The following MANEA variants were observed in gnomAD, a reference collection of about 807,000 sequenced individuals.
MANEA encodes mannosidase endo-alpha.
In MANEA, 25 loss-of-function variants were observed where a neutral mutation model predicts 36.8. That is an observed-to-expected ratio of 0.68 (90% CI 0.50 to 0.95). The LOEUF (loss-of-function observed/expected upper bound fraction) is 0.95, where lower values mean the gene tolerates loss of function less well. Among genes scored for constraint, MANEA ranks in the 40% least tolerant of loss-of-function variants. The probability of loss-of-function intolerance (pLI) is 0.00; values close to 1 mark genes in which losing one functional copy is unlikely to be tolerated. For missense variants in MANEA, 565 were observed against 558.8 expected, an observed-to-expected ratio of 1.01 and a Z score of -0.11; for synonymous variants, 198 against 188.5, an observed-to-expected ratio of 1.05 and a Z score of -0.41.
At chr6:95,604,056 A>AGGGGTGTGTGTG (rs1318756717) in intron 3 of MANEA, among the ~76,000 whole-genome samples, 1 of 58,534 alleles carries the variant, frequency 1.7e-5, no homozygotes, top group Admixed American at 1.5e-4. Flanking sequence ...GTATATATGT[A>AGGGGTGTGTGTG]TGTAGGTGTG....
intron 1 of MANEA, among the ~76,000 whole-genome samples, chr6:95,582,173 C>CTTTT (rs67978183): frequency 2.9e-4 from 23 of 79,386 alleles, no homozygotes; most frequent in Non-Finnish European, 4.4e-4. Context: ...GTTGTATCAT[C>CTTTT]TTTTTTTTTT....
rs1769284742 is a variant in MANEA, at chr6:95,586,525, T to C, written c.86T>C (p.Leu29Pro). 1 of 1,613,896 alleles carries C rather than the reference T, an allele frequency of 6.2e-7. No homozygotes were observed. Reference protein sequence around the residue: ...IFSLMMGLKMLRPNTATFGAP... With the variant: ...IFSLMMGLKMPRPNTATFGAP... The stretch of plus-strand genomic sequence containing the variant: ...TCTCTGATGATGGGTTTAAAAATGC[T>C]GAGACCAAATACAGCTACTTTTGGA... Residue 29 changes from leucine (L) to proline (P), a missense_variant, in exon 2 of 5, where the codon CTG (leucine) becomes CCG (proline). Transcript: ENST00000358812.
chr6:95,577,762 G>A (rs1436560229), intron 1 of MANEA, 124 bp downstream of exon 1: 2 of 152,374 alleles, frequency 1.3e-5, no homozygotes, highest in African/African-American at 4.8e-5. Flanking sequence ...CTTTCCTCCG[G>A]GCGCCCTTTG....
intron 2 of MANEA, among the ~76,000 whole-genome samples, chr6:95,587,792 GTAA>G (rs1299849453): frequency 1.3e-5 from 2 of 151,926 alleles, no homozygotes; most frequent in African/African-American, 2.4e-5. Flanking sequence ...TATGTTTAAT[GTAA>G]TAATGATATG....
chr6:95,601,564 C>T (rs1368080007), intron 3 of MANEA, among the ~76,000 whole-genome samples: 2 of 152,068 alleles, frequency 1.3e-5, no homozygotes, highest in Non-Finnish European at 2.9e-5. Flanking sequence ...GCAGAACCAT[C>T]ATAAGCCAGT....
intron 1 of MANEA, among the ~76,000 whole-genome samples, chr6:95,584,204 A>T (rs1434301603): frequency 6.6e-6 from 1 of 152,218 alleles, no homozygotes; most frequent in Non-Finnish European, 1.5e-5. Context: ...CTTGAAAAAG[A>T]ACAGAGTAAC....
intron 1 of MANEA, among the ~76,000 whole-genome samples, chr6:95,578,982 T>C (rs751843740): frequency 2.6e-5 from 4 of 152,214 alleles, no homozygotes; most frequent in Admixed American, 6.5e-5. Flanking sequence ...TGCTAGGTGA[T>C]TAACCTTAGA....
At chr6:95,580,724 CA>C (rs67844240) in intron 1 of MANEA, among the ~76,000 whole-genome samples, 11,117 of 59,720 alleles carry the variant, frequency 0.19, 257 homozygotes, top group Non-Finnish European at 0.24. Context: ...GACGCCGTCT[CA>C]AAAAAAAAAA....
At chr6:95,580,724 C>CAA (rs67844240) in intron 1 of MANEA, among the ~76,000 whole-genome samples, 91 of 59,768 alleles carry the variant, frequency 1.5e-3, no homozygotes, top group Non-Finnish European at 2.3e-3. Flanking sequence ...GACGCCGTCT[C>CAA]AAAAAAAAAA....
intron 3 of MANEA, among the ~76,000 whole-genome samples, chr6:95,597,096 T>C (rs950644616): frequency 4.6e-5 from 7 of 151,996 alleles, no homozygotes; most frequent in African/African-American, 1.7e-4. Flanking sequence ...GGTTCTTTTG[T>C]GAAGATAATA....
intron 2 of MANEA, among the ~76,000 whole-genome samples, chr6:95,593,970 G>A (rs760739692): frequency 6.6e-6 from 1 of 152,018 alleles, no homozygotes; most frequent in Non-Finnish European, 1.5e-5. Flanking sequence ...AATGAGGCAG[G>A]AGAATCACTT....
rs1429174316 is a variant in MANEA at position 95,586,992 on chromosome 6, T to G, written c.544+9T>G. The stretch of plus-strand genomic sequence containing the variant: ...GCGCTCAGCTTCAATTGGTAATTAT[T>G]GTATATATATATATGTGTGTTTGTG... On this transcript the variant is annotated intron_variant, in intron 2 of 4. Transcript: ENST00000358812. The G allele has an allele frequency of 1.4e-6, 2 of 1,426,890 alleles. No homozygotes were observed. The highest frequency in any genetic ancestry group is 1.8e-5 in the African/African-American group (1 of 55,344). 88.4% of individuals were successfully genotyped at this position (1,426,890 alleles called of 1,614,324 possible). A position where few individuals can be genotyped will look rare whatever the true frequency, so the allele number is the denominator to read the frequency against.
chr6:95,608,698 G>A lies in MANEA; in HGVS notation c.*2293G>A, dbSNP rs1769763764. The A allele has an allele frequency of 6.6e-6, 1 of 151,670 alleles. No homozygotes were observed. The highest frequency in any genetic ancestry group is 6.6e-5 in the Admixed American group (1 of 15,204). 9.4% of individuals were successfully genotyped at this position (151,670 alleles called of 1,614,324 possible). A position where few individuals can be genotyped will look rare whatever the true frequency, so the allele number is the denominator to read the frequency against. On this transcript the variant is annotated 3_prime_UTR_variant, in exon 5 of 5. Coordinates refer to ENST00000358812, the MANE Select transcript of MANEA (RefSeq NM_024641.4). ...CAGTCATCCCTCAGTGTCTGTGGGGGATTGGTTCCAGTTACCCCTATAGAT... is the reference window on the plus strand; with the variant it reads ...CAGTCATCCCTCAGTGTCTGTGGGGAATTGGTTCCAGTTACCCCTATAGAT...
intron 1 of MANEA, among the ~76,000 whole-genome samples, chr6:95,583,869 T>G (rs1010583564): frequency 1.3e-5 from 2 of 152,210 alleles, no homozygotes; most frequent in African/African-American, 2.4e-5. Flanking sequence ...AAAATAATTC[T>G]TATGATTTTA....
chr6:95,599,395 C>T (rs945279943), intron 3 of MANEA, among the ~76,000 whole-genome samples: 3 of 145,508 alleles, frequency 2.1e-5, no homozygotes, highest in Non-Finnish European at 3.0e-5. Context: ...CCAGCCTGGG[C>T]GACAGAGTGA....
intron 3 of MANEA, among the ~76,000 whole-genome samples, chr6:95,597,250 C>T (rs895623471): frequency 6.6e-6 from 1 of 151,804 alleles, no homozygotes; most frequent in African/African-American, 2.4e-5. Context: ...TCATTTAAAC[C>T]TTATTTAATG....
chr6:95,596,629 A>T, intron 2 of MANEA, 108 bp from the exon 3 acceptor site: 1 of 605,966 alleles, frequency 1.7e-6, no homozygotes, highest in Non-Finnish European at 3.0e-6. Context: ...ACCACCTCGT[A>T]TAAATATGTT....
chr6:95,600,128 CTG>C (rs1186466385), intron 3 of MANEA, among the ~76,000 whole-genome samples: 1 of 152,228 alleles, frequency 6.6e-6, no homozygotes, highest in East Asian at 1.9e-4. Flanking sequence ...TTTAAAGTGT[CTG>C]TGTAGAGAAG....
At chr6:95,598,720 A>G (rs1353609056) in intron 3 of MANEA, among the ~76,000 whole-genome samples, 2 of 152,188 alleles carry the variant, frequency 1.3e-5, no homozygotes, top group African/African-American at 4.8e-5. Context: ...ATCTTGAAGA[A>G]TGGCAACCAC....
Sources: gnomAD v4.1 joint callset for allele counts (sites outside exome capture counted in the v4.1 genomes callset) on GRCh38, gnomAD v4.1.1 for gene constraint, MANE v1.5 for transcripts, NCBI Gene and HGNC (gene_info 2026-07-23, HGNC 2026-07-21) for gene names.